Variants in TSPAN13 observed in about 807,000 individuals in gnomAD.
TSPAN13 encodes the protein tetraspanin-13.
In TSPAN13, 18 loss-of-function variants were observed where a neutral mutation model predicts 26.9. That is an observed-to-expected ratio of 0.67 (90% CI 0.46 to 0.99). TSPAN13 has a LOEUF of 0.99. TSPAN13 is among the 50% of genes least tolerant of loss of function. The probability of loss-of-function intolerance (pLI) is 0.00; values close to 1 mark genes in which losing one functional copy is unlikely to be tolerated. For missense variants in TSPAN13, 201 were observed against 249.6 expected (o/e 0.81, Z 1.31); for synonymous variants, 116 against 98.4 (o/e 1.18, Z -1.06).
chr7:16,774,140 A>G (rs1334677098), intron 1 of TSPAN13, among the ~76,000 whole-genome samples: 1 of 152,210 alleles, frequency 6.6e-6, no homozygotes, highest in Non-Finnish European at 1.5e-5. Flanking sequence ...GGAAGAAGGA[A>G]TTCTGCTTGA....
In TSPAN13 at chr7:16,770,925, T is replaced by C. The variant is rs1197581674; in HGVS notation, c.64-5286T>C. On this transcript the variant is annotated intron_variant, in intron 1 of 5. Transcript: ENST00000262067. ...TCGTGTTTCTCTTTCTTGAAAACTTTTTGAAGAGACTGAAAAGTCTTTGCT... is the reference window on the plus strand; with the variant it reads ...TCGTGTTTCTCTTTCTTGAAAACTTCTTGAAGAGACTGAAAAGTCTTTGCT... Among the ~76,000 whole-genome samples, 3 of 152,234 alleles carry C rather than the reference T, an allele frequency of 2.0e-5. No homozygotes were observed. The East Asian group carries it at 5.8e-4, about 29-fold the overall frequency.
At chr7:16,783,137 C>G (rs1479152477) in intron 5 of TSPAN13, among the ~76,000 whole-genome samples, 1 of 152,142 alleles carries the variant, frequency 6.6e-6, no homozygotes, top group East Asian at 1.9e-4. Context: ...CCCGCAAAGT[C>G]CCTGTTACTG....
intron 3 of TSPAN13, 61 bp from the exon 4 acceptor site, chr7:16,777,737 C>CG: frequency 7.7e-7 from 1 of 1,293,692 alleles, no homozygotes; most frequent in Non-Finnish European, 1.1e-6. Flanking sequence ...AAGTTACAGG[C>CG]TCCAGCTTTA....
intron 5 of TSPAN13, among the ~76,000 whole-genome samples, chr7:16,780,899 G>T (rs924674918): frequency 1.3e-5 from 2 of 152,174 alleles, no homozygotes; most frequent in African/African-American, 4.8e-5. Context: ...TCTGGCTAGA[G>T]ATTTTTATAA....
chr7:16,782,620 A>C (rs1784825742), intron 5 of TSPAN13, among the ~76,000 whole-genome samples: 1 of 152,250 alleles, frequency 6.6e-6, no homozygotes, highest in Non-Finnish European at 1.5e-5. Flanking sequence ...GAAATGGCAC[A>C]GTAACAGCTT....
At chr7:16,770,982 C>T (rs1049872301) in intron 1 of TSPAN13, among the ~76,000 whole-genome samples, 3 of 152,302 alleles carry the variant, frequency 2.0e-5, no homozygotes, top group East Asian at 1.9e-4. Context: ...TGGTTTTTCT[C>T]TAACCCCTGA....
chr7:16,782,560 T>G (rs1023000146), intron 5 of TSPAN13, among the ~76,000 whole-genome samples: 1 of 152,208 alleles, frequency 6.6e-6, no homozygotes, highest in Non-Finnish European at 1.5e-5. Flanking sequence ...AGCACACATT[T>G]CTTAATTTAA....
intron 1 of TSPAN13, among the ~76,000 whole-genome samples, chr7:16,764,795 A>G (rs1466508848): frequency 6.6e-6 from 1 of 152,138 alleles, no homozygotes; most frequent in African/African-American, 2.4e-5. Context: ...TTTCCTAGGC[A>G]CTATGATGCA....
intron 1 of TSPAN13, among the ~76,000 whole-genome samples, chr7:16,768,078 A>C (rs1784628006): frequency 6.6e-6 from 1 of 151,724 alleles, no homozygotes; most frequent in Non-Finnish European, 1.5e-5. Flanking sequence ...ACGCCCAGCT[A>C]ATTTTTTGTA....
chr7:16,773,318 G>T (rs920615905), intron 1 of TSPAN13, among the ~76,000 whole-genome samples: 1 of 147,258 alleles, frequency 6.8e-6, no homozygotes, highest in Non-Finnish European at 1.5e-5. Flanking sequence ...ACTTAGAATG[G>T]TTTCACATTT....
intron 5 of TSPAN13, among the ~76,000 whole-genome samples, chr7:16,780,619 G>GA (rs1164031835): frequency 6.6e-6 from 1 of 151,964 alleles, no homozygotes; most frequent in Non-Finnish European, 1.5e-5. Flanking sequence ...TACAGATAGA[G>GA]AAAAACTGGA....
intron 5 of TSPAN13, among the ~76,000 whole-genome samples, chr7:16,781,318 C>T (rs1337079908): frequency 6.6e-6 from 1 of 152,160 alleles, no homozygotes; most frequent in African/African-American, 2.4e-5. Context: ...GCATATTCTA[C>T]ATGTACTTTA....
In TSPAN13 at chr7:16,772,040, T is replaced by G. The variant is rs556008844; in HGVS notation, c.64-4171T>G. On this transcript the variant is annotated intron_variant, in intron 1 of 5. Coordinates refer to ENST00000262067, the MANE Select transcript of TSPAN13 (RefSeq NM_014399.4). ...GAGAACTAAATAGTGTTTTCTCCCC[T>G]CTTTTTGGTTGTAGAGATCTTTTCT... is the stretch of plus-strand genomic sequence containing the variant. Among the ~76,000 whole-genome samples the G allele has an allele frequency of 2.6e-5, 4 of 152,334 alleles. No individual in the cohort carries two copies. In the East Asian group the frequency reaches 7.7e-4, roughly 29 times the overall value.
In TSPAN13 at chr7:16,764,430, T is replaced by C. The variant is rs1425198845; in HGVS notation, c.63+10400T>C. On this transcript the variant is annotated intron_variant, in intron 1 of 5. Coordinates refer to ENST00000262067, the MANE Select transcript of TSPAN13 (RefSeq NM_014399.4). Reference sequence around the variant, plus strand: ...TTCTGTTTGCTAGAGTGATCTCAAATATATTAAGTTTCTAATTCCAAGTAG... The same window carrying C: ...TTCTGTTTGCTAGAGTGATCTCAAACATATTAAGTTTCTAATTCCAAGTAG... Among the ~76,000 whole-genome samples the C allele has an allele frequency of 3.3e-5, 5 of 152,254 alleles. No individual in the cohort carries two copies. In the East Asian group the frequency reaches 9.7e-4, roughly 29 times the overall value.
Position 16,784,344 on chromosome 7 carries a change from T to G in TSPAN13, c.*853T>G, listed in dbSNP as rs1583798496. The G allele has an allele frequency of 6.6e-6, 1 of 152,192 alleles. No individual in the cohort carries two copies. The highest frequency in any genetic ancestry group is 2.4e-5 in the African/African-American group (1 of 41,450). The allele number at this position is 152,192 out of a possible 1,614,324, so 9.4% of individuals were successfully genotyped here. ...ATCTTAAAAATTGTTAAATACCGTT[T>G]TCATGAAATTTCTCAGTATTGTAAC... On this transcript the variant is annotated 3_prime_UTR_variant, in exon 6 of 6. Coordinates refer to ENST00000262067, the MANE Select transcript of TSPAN13 (RefSeq NM_014399.4).
At chr7:16,775,473 T>G (rs977397527) in intron 1 of TSPAN13, among the ~76,000 whole-genome samples, 1 of 152,270 alleles carries the variant, frequency 6.6e-6, no homozygotes, top group Non-Finnish European at 1.5e-5. Flanking sequence ...TGCTAAAAGT[T>G]TTAATGATCT....
At chr7:16,757,897 G>T (rs748843116) in intron 1 of TSPAN13, among the ~76,000 whole-genome samples, 11 of 152,140 alleles carry the variant, frequency 7.2e-5, no homozygotes, top group Non-Finnish European at 1.2e-4. Flanking sequence ...GCAATGGCGC[G>T]ATCTTGGCTC....
intron 1 of TSPAN13, among the ~76,000 whole-genome samples, chr7:16,765,472 CAT>C (rs1204102372): frequency 6.6e-6 from 1 of 152,178 alleles, no homozygotes; most frequent in East Asian, 1.9e-4. Flanking sequence ...AGACTCTACT[CAT>C]GTGTACACTT....
intron 1 of TSPAN13, among the ~76,000 whole-genome samples, chr7:16,765,687 C>T (rs1487839595): frequency 3.3e-5 from 5 of 152,162 alleles, no homozygotes; most frequent in Admixed American, 2.6e-4. Context: ...GTGCTTACTG[C>T]TTATAAAAAC....
Sources: gnomAD v4.1 joint callset for allele counts (sites outside exome capture counted in the v4.1 genomes callset) on GRCh38, gnomAD v4.1.1 for gene constraint, MANE v1.5 for transcripts, NCBI Gene and HGNC (gene_info 2026-07-23, HGNC 2026-07-21) for gene names.